The following EYS variants were observed in gnomAD, a reference collection of about 807,000 sequenced individuals.
EYS encodes protein eyes shut homolog.
Under a neutral mutation model 282.1 loss-of-function variants are expected in EYS, and 250 were observed. The ratio of observed to expected loss-of-function variants is 0.89; its 90% CI spans 0.80 to 0.98. The LOEUF is 0.98. EYS is among the 50% of genes least tolerant of loss of function. The pLI is 0.00. For missense variants in EYS, 4,016 were observed against 3,709.0 expected (o/e 1.08, Z -2.15); for synonymous variants, 1,355 against 1,282.9 (o/e 1.06, Z -1.20).
At chr6:65,272,015 C>A (rs761961448) in intron 12 of EYS, among the ~76,000 whole-genome samples, 3 of 152,188 alleles carry the variant, frequency 2.0e-5, no homozygotes, top group Non-Finnish European at 2.9e-5. Flanking sequence ...TCTCAGCATA[C>A]ATACAGCTTT....
Position 64,388,786 on chromosome 6 carries a change from T to A in EYS, c.5982A>T (p.Gln1994His). The A allele has an allele frequency of 6.5e-7, 1 of 1,544,512 alleles. No individual in the cohort carries two copies. Among genetic ancestry groups the A allele is most frequent in the Non-Finnish European group, 8.7e-7 (1 of 1,143,446 alleles). ...GTACATGATTGATAGATTCGCATATTTGTGTATTCCTCCCTAAAATAGTCA... is the reference window on the plus strand; with the variant it reads ...GTACATGATTGATAGATTCGCATATATGTGTATTCCTCCCTAAAATAGTCA... ...AELTILGRNT[Q>H]ICESINHVLG... is the part of the protein sequence containing the mutation. The change falls in exon 29 of 43, where the codon CAA becomes CAT. Residue 1994 changes from glutamine to histidine, a missense_variant. Gln to His is a conservative substitution (Grantham distance 24). Coordinates refer to ENST00000503581, the MANE Select transcript of EYS (RefSeq NM_001142800.2).
intron 13 of EYS, among the ~76,000 whole-genome samples, chr6:65,019,346 C>T (rs1772168595): frequency 6.6e-6 from 1 of 152,100 alleles, no homozygotes; most frequent in Admixed American, 6.5e-5. Context: ...TGTTATTTTT[C>T]TGTCATATCT....
intron 30 of EYS, among the ~76,000 whole-genome samples, chr6:64,294,017 C>T (rs1401627461): frequency 6.6e-6 from 1 of 151,992 alleles, no homozygotes; most frequent in Non-Finnish European, 1.5e-5. Flanking sequence ...TATACGCTAC[C>T]TAATTATTAA....
chr6:64,409,995 C>T (rs543653736), intron 28 of EYS, among the ~76,000 whole-genome samples: 68 of 152,076 alleles, frequency 4.5e-4, no homozygotes, highest in African/African-American at 1.6e-3. Context: ...TTAAAAGTAA[C>T]TAGTGATTCT....
chr6:65,663,373 T>C (rs1366140061), intron 1 of EYS, among the ~76,000 whole-genome samples: 1 of 152,016 alleles, frequency 6.6e-6, no homozygotes, highest in Non-Finnish European at 1.5e-5. Flanking sequence ...GGAGACACCA[T>C]AGAAAAATAA....
intron 13 of EYS, among the ~76,000 whole-genome samples, chr6:65,030,433 A>G (rs1772561873): frequency 1.3e-5 from 2 of 152,102 alleles, no homozygotes; most frequent in African/African-American, 2.4e-5. Flanking sequence ...CTATGCTGGC[A>G]CACATTCACC....
intron 2 of EYS, among the ~76,000 whole-genome samples, chr6:65,575,930 GA>G (rs2127356442): frequency 6.6e-6 from 1 of 152,108 alleles, no homozygotes; most frequent in South Asian, 2.1e-4. Flanking sequence ...AACAAGTAAA[GA>G]GATTAAATCA....
chr6:63,956,966 C>T (rs1264693678), intron 35 of EYS, among the ~76,000 whole-genome samples: 1 of 152,178 alleles, frequency 6.6e-6, no homozygotes, highest in Non-Finnish European at 1.5e-5. Context: ...ACTATAGCTT[C>T]ATCACACATT....
chr6:64,347,840 C>T (rs746516146), intron 29 of EYS, among the ~76,000 whole-genome samples: 3 of 151,258 alleles, frequency 2.0e-5, no homozygotes, highest in Non-Finnish European at 3.0e-5. Context: ...CTTTATAGCA[C>T]TTCTCCTTCA....
At chr6:63,887,131 C>T (rs1283599424) in intron 35 of EYS, among the ~76,000 whole-genome samples, 2 of 152,020 alleles carry the variant, frequency 1.3e-5, no homozygotes, top group Non-Finnish European at 2.9e-5. Flanking sequence ...CATCTGCAGG[C>T]ATAAGCACCA....
intron 31 of EYS, among the ~76,000 whole-genome samples, chr6:64,092,182 T>C (rs1477792903): frequency 1.3e-5 from 2 of 152,194 alleles, no homozygotes; most frequent in Admixed American, 6.5e-5. Flanking sequence ...TCCAAGTCTT[T>C]GCTATTGTGA....
intron 2 of EYS, among the ~76,000 whole-genome samples, chr6:65,585,498 A>G (rs1315972280): frequency 6.6e-6 from 1 of 151,984 alleles, no homozygotes; most frequent in South Asian, 2.1e-4. Flanking sequence ...TATTTTTAAA[A>G]TAAACTGAAT....
At chr6:64,764,799 T>G (rs542813074) in intron 22 of EYS, among the ~76,000 whole-genome samples, 1 of 152,294 alleles carries the variant, frequency 6.6e-6, no homozygotes. Context: ...AGTGCAATGG[T>G]ATGATCTTGG....
chr6:64,981,789 C>T (rs1295162215), intron 14 of EYS, among the ~76,000 whole-genome samples: 2 of 151,264 alleles, frequency 1.3e-5, no homozygotes, highest in Admixed American at 6.6e-5. Context: ...GAGGTTTCCT[C>T]CTTGGCTTTG....
In EYS at chr6:65,542,186, A is replaced by G. The variant is rs148702256; in HGVS notation, c.-332-46193T>C. Among the ~76,000 whole-genome samples, 696 of 152,226 alleles carry G rather than the reference A, an allele frequency of 4.6e-3. 6 individuals carry two copies. Among genetic ancestry groups the G allele is most frequent in the African/African-American group, 0.015 (639 of 41,544 alleles). On this transcript the variant is annotated intron_variant, in intron 2 of 42. Coordinates refer to ENST00000503581, the MANE Select transcript of EYS (RefSeq NM_001142800.2). ...TTCTAAGATTATTTCCAACTATGGG[A>G]TTATTTCCAGGCACTTCTTTATTCC...
chr6:64,919,734 C>G (rs919860963), intron 15 of EYS, among the ~76,000 whole-genome samples: 2 of 152,012 alleles, frequency 1.3e-5, no homozygotes, highest in African/African-American at 4.8e-5. Flanking sequence ...ATTTAATCTC[C>G]TGTGCCATGT....
At chr6:63,952,053 T>C (rs1234982316) in intron 35 of EYS, among the ~76,000 whole-genome samples, 1 of 151,960 alleles carries the variant, frequency 6.6e-6, no homozygotes. Context: ...CAGAGAAGAG[T>C]TGCAATTACT....
At chr6:63,810,096 AAAAAG>A (rs1306094360) in intron 36 of EYS, among the ~76,000 whole-genome samples, 1 of 151,064 alleles carries the variant, frequency 6.6e-6, no homozygotes, top group Non-Finnish European at 1.5e-5. Context: ...AAAAAAAAGA[AAAAAG>A]AAAAAGAAAA....
At chr6:64,131,648 C>T (rs1363055965) in intron 31 of EYS, among the ~76,000 whole-genome samples, 1 of 152,106 alleles carries the variant, frequency 6.6e-6, no homozygotes, top group Admixed American at 6.6e-5. Flanking sequence ...GTGACCTGAG[C>T]TGTGAGACTG....
Sources: allele counts gnomAD v4.1 joint callset (sites outside exome capture counted in the v4.1 genomes callset), GRCh38; gene constraint gnomAD v4.1.1; transcripts MANE v1.5; gene names NCBI Gene and HGNC (gene_info 2026-07-23, HGNC 2026-07-21).